RAP1GAP: variants seen among roughly 807,000 people sequenced by gnomAD.
RAP1GAP encodes rap1 GTPase-activating protein 1.
In RAP1GAP, 35 loss-of-function variants were observed where a neutral mutation model predicts 87.2. That is an observed-to-expected ratio of 0.40 (90% CI 0.31 to 0.53). The LOEUF is 0.53. Ranked by LOEUF, RAP1GAP falls within the 20% of genes least tolerant of loss-of-function variation. RAP1GAP has a pLI of 0.48. For missense variants in RAP1GAP, 734 were observed against 898.9 expected, an observed-to-expected ratio of 0.82 and a Z score of 2.35; for synonymous variants, 375 against 363.9, an observed-to-expected ratio of 1.03 and a Z score of -0.35.
intron 2 of RAP1GAP, among the ~76,000 whole-genome samples, chr1:21,630,460 T>C (rs2093509522): frequency 6.6e-6 from 1 of 151,838 alleles, no homozygotes. Context: ...CTCCCTATGT[T>C]ACCCAGGCTG....
intron 1 of RAP1GAP, among the ~76,000 whole-genome samples, chr1:21,661,774 GA>G (rs1258269371): frequency 6.6e-6 from 1 of 152,258 alleles, no homozygotes; most frequent in Non-Finnish European, 1.5e-5. Context: ...GCTGAGCCAG[GA>G]AATCTGTGTT....
chr1:21,654,870 G>T (rs192001690), intron 1 of RAP1GAP, among the ~76,000 whole-genome samples: 15 of 152,088 alleles, frequency 9.9e-5, no homozygotes, highest in African/African-American at 3.4e-4. Context: ...GCTAGGCACG[G>T]TGGCTCACAC....
intron 2 of RAP1GAP, among the ~76,000 whole-genome samples, chr1:21,636,898 A>T (rs2094776962): frequency 7.8e-6 from 1 of 128,596 alleles, no homozygotes; most frequent in Non-Finnish European, 1.6e-5. Context: ...AGAAGGAAGG[A>T]AGGAGGGAAG....
chr1:21,663,238 C>T (rs540743391), intron 1 of RAP1GAP, among the ~76,000 whole-genome samples: 1 of 152,312 alleles, frequency 6.6e-6, no homozygotes, highest in South Asian at 2.1e-4. Flanking sequence ...AAGGGCAACC[C>T]TCTATCCCTG....
In RAP1GAP at chr1:21,634,645, G is replaced by A. The variant is rs116680485; in HGVS notation, c.-112-8248C>T. On this transcript the variant is annotated intron_variant, in intron 2 of 24. Coordinates refer to ENST00000374765, the MANE Select transcript of RAP1GAP (RefSeq NM_002885.4). This position sits in a 1 kb window ranked among gnomAD's most constrained non-coding sequence, Gnocchi z 4.1. ...CTGCATGCCGAGACACCCGGATCCC[G>A]GAGCTGGGCCAGGCAGAGGCCTCCT... 8,881 of 242,742 alleles carry A rather than the reference G, an allele frequency of 0.037. 232 individuals are homozygous for A. Among genetic ancestry groups the A allele is most frequent in the African/African-American group, 0.06 (2,613 of 43,540 alleles). 15.0% of individuals were successfully genotyped at this position (242,742 alleles called of 1,614,324 possible). A position where few individuals can be genotyped will look rare whatever the true frequency, so the allele number is the denominator to read the frequency against.
Position 21,613,480 on chromosome 1 carries a change from T to A in RAP1GAP, c.474+148A>T. 2.4e-6 allele frequency: 2 copies of A among 827,872 alleles called. No individual in the cohort carries two copies. The highest frequency in any genetic ancestry group is 1.7e-5 in the African/African-American group (1 of 59,366). The allele number at this position is 827,872 out of a possible 1,614,324, so 51.3% of individuals were successfully genotyped here. On this transcript the variant is annotated intron_variant, in intron 9 of 24. Transcript: ENST00000374765. The surrounding 1 kb of genome is among the most constrained non-coding windows in gnomAD (Gnocchi z 4.7). ...GAACACGTGGCAGCCCAAGACACGA[T>A]GGGAACAAGTGAGAGACAGCCTCAG...
intron 18 of RAP1GAP, among the ~76,000 whole-genome samples, chr1:21,605,344 A>G (rs1308698416): frequency 6.6e-6 from 1 of 152,190 alleles, no homozygotes; most frequent in Non-Finnish European, 1.5e-5. Context: ...ACACAGTAGG[A>G]GGTGCTCACA....
chr1:21,611,868 C>T (rs1335178070), intron 11 of RAP1GAP, 52 bp from the exon 12 acceptor site: 1 of 1,549,570 alleles, frequency 6.5e-7, no homozygotes, highest in Non-Finnish European at 8.9e-7. Context: ...GAAGCCCCTG[C>T]CCTCTGTCCC....
chr1:21,639,392 C>T (rs992128302), intron 2 of RAP1GAP, among the ~76,000 whole-genome samples: 7 of 152,232 alleles, frequency 4.6e-5, no homozygotes, highest in Non-Finnish European at 1.0e-4. Context: ...GTGACAGTCA[C>T]ACCTGAGTGT....
At chr1:21,664,146 C>T (rs545309788) in intron 1 of RAP1GAP, among the ~76,000 whole-genome samples, 7 of 152,216 alleles carry the variant, frequency 4.6e-5, no homozygotes, top group East Asian at 1.9e-4. Flanking sequence ...TGACAGCCCC[C>T]GGCTCTCCAG....
chr1:21,653,205 ATTAC>A (rs2096695852), intron 1 of RAP1GAP: 3 of 151,868 alleles, frequency 2.0e-5, no homozygotes. Flanking sequence ...TCTCACACCA[ATTAC>A]TTCTCTCTTG....
intron 2 of RAP1GAP, among the ~76,000 whole-genome samples, chr1:21,645,363 C>T (rs529224917): frequency 7.2e-5 from 11 of 152,210 alleles, no homozygotes; most frequent in South Asian, 2.1e-4. Flanking sequence ...GCTTGTAATC[C>T]TAGCACTTTG....
At chr1:21,647,785 A>G (rs746767395) in intron 2 of RAP1GAP, among the ~76,000 whole-genome samples, 1 of 152,056 alleles carries the variant, frequency 6.6e-6, no homozygotes, top group Non-Finnish European at 1.5e-5. Context: ...TAAAGAGGGA[A>G]TGGGGGTGTG....
chr1:21,614,097 G>A lies in RAP1GAP; in HGVS notation c.292-8C>T, dbSNP rs1276260914. 2.6e-6 allele frequency: 4 copies of A among 1,567,278 alleles called. No individual in the cohort carries two copies. The highest frequency in any genetic ancestry group is 3.4e-5 in the Admixed American group (2 of 58,160). ...GTAGTAATTGAAATGCTCCTGCAGT[G>A]GGAGGTGGGGGCCAGGGGAGTGGGT... On this transcript the variant is annotated splice_polypyrimidine_tract_variant and splice_region_variant and intron_variant, in intron 7 of 24. Coordinates refer to ENST00000374765, the MANE Select transcript of RAP1GAP (RefSeq NM_002885.4).
chr1:21,652,115 C>G (rs1198297229), intron 1 of RAP1GAP, among the ~76,000 whole-genome samples: 1 of 146,142 alleles, frequency 6.8e-6, no homozygotes, highest in Admixed American at 6.7e-5. Context: ...ACCCCCTTCC[C>G]GGCCGCCGCC....
intron 2 of RAP1GAP, among the ~76,000 whole-genome samples, chr1:21,630,931 G>A (rs905099405): frequency 4.6e-5 from 7 of 152,052 alleles, no homozygotes; most frequent in East Asian, 3.9e-4. Context: ...TCTGCTTCAC[G>A]TCCTTTCCTG....
In RAP1GAP at chr1:21,660,366, C is replaced by T. The variant is rs529618680; in HGVS notation, c.-149+8888G>A. The stretch of plus-strand genomic sequence containing the variant: ...ATATATATTTATTGAGACAGTCTCG[C>T]TCTGTCACCCAGGCTGGAGTGCAAT... On this transcript the variant is annotated intron_variant, in intron 1 of 24. Coordinates refer to ENST00000374765, the MANE Select transcript of RAP1GAP (RefSeq NM_002885.4). Among the ~76,000 whole-genome samples the T allele has an allele frequency of 7.1e-5, 3 of 42,224 alleles. 1 individual carries two copies. The highest frequency in any genetic ancestry group is 5.8e-4 in the Admixed American group (2 of 3,452). 27.7% of individuals were successfully genotyped at this position (42,224 alleles called of 152,430 possible). A position where few individuals can be genotyped will look rare whatever the true frequency, so the allele number is the denominator to read the frequency against.
intron 7 of RAP1GAP, 31 bp downstream of exon 7, chr1:21,617,275 G>A: frequency 1.3e-6 from 2 of 1,550,988 alleles, no homozygotes; most frequent in Non-Finnish European, 1.7e-6. Context: ...ACCCACCCCA[G>A]CCAGCCCCGC....
intron 7 of RAP1GAP, among the ~76,000 whole-genome samples, chr1:21,616,464 G>A (rs7550977): frequency 0.043 from 6,493 of 152,240 alleles, 167 homozygotes; most frequent in African/African-American, 0.053. Flanking sequence ...TTTCACCGAC[G>A]AGGAAAGTTA....
Sources: gnomAD v4.1 joint callset for allele counts (sites outside exome capture counted in the v4.1 genomes callset) on GRCh38, gnomAD v4.1.1 for gene constraint, Gnocchi (gnomAD v3.1) non-coding constraint, MANE v1.5 for transcripts, NCBI Gene and HGNC (gene_info 2026-07-23, HGNC 2026-07-21) for gene names.